Variants in NYAP2 observed in about 807,000 individuals in gnomAD.
NYAP2 encodes the protein neuronal tyrosine-phosphorylated phosphoinositide-3-kinase adaptor 2.
A neutral mutation model predicts 50.4 loss-of-function variants in NYAP2; 23 were observed. That is an observed-to-expected ratio of 0.46 (90% confidence interval 0.33 to 0.65). The LOEUF (loss-of-function observed/expected upper bound fraction) is 0.65. Ranked by LOEUF, NYAP2 falls within the 30% of genes least tolerant of loss-of-function variation. The pLI is 0.02. For missense variants in NYAP2, 885 were observed against 861.0 expected (o/e 1.03, Z -0.35); for synonymous variants, 394 against 365.2 (o/e 1.08, Z -0.90).
At chr2:225,546,572 A>G (rs1691588768) in intron 4 of NYAP2, among the ~76,000 whole-genome samples, 1 of 151,880 alleles carries the variant, frequency 6.6e-6, no homozygotes, top group Non-Finnish European at 1.5e-5. Context: ...CCTTGGATTT[A>G]CCCTTCAGGG....
intron 5 of NYAP2, among the ~76,000 whole-genome samples, chr2:225,621,162 T>C (rs1305414103): frequency 6.7e-6 from 1 of 150,200 alleles, no homozygotes; most frequent in Non-Finnish European, 1.5e-5. Context: ...CTGAAGTAGA[T>C]GGGTCGTTAG....
intron 6 of NYAP2, among the ~76,000 whole-genome samples, chr2:225,649,912 AGT>A (rs1281367769): frequency 6.6e-6 from 1 of 152,254 alleles, no homozygotes; most frequent in Non-Finnish European, 1.5e-5. Context: ...ATTAGCTCTA[AGT>A]CCAAACCTTG....
the NYAP2 span, among the ~76,000 whole-genome samples, chr2:225,681,521 G>A: frequency 1.3e-5 from 2 of 152,154 alleles, no homozygotes; most frequent in Admixed American, 6.5e-5. Context: ...TCTGGAATTC[G>A]ATCTGGCTAT....
At chr2:225,489,397 C>T (rs1690365205) in intron 3 of NYAP2, among the ~76,000 whole-genome samples, 1 of 151,982 alleles carries the variant, frequency 6.6e-6, no homozygotes, top group Admixed American at 6.6e-5. Flanking sequence ...GGGATTTCAC[C>T]ATGTTGGCCA....
downstream of NYAP2, among the ~76,000 whole-genome samples, chr2:225,656,472 C>T (rs748865359): frequency 5.3e-5 from 8 of 152,160 alleles, no homozygotes; most frequent in Non-Finnish European, 5.9e-5. Flanking sequence ...CTTTGCTTGA[C>T]GACCTTGCAG....
chr2:225,616,778 T>C (rs1692999351), intron 5 of NYAP2, among the ~76,000 whole-genome samples: 1 of 152,150 alleles, frequency 6.6e-6, no homozygotes, highest in Non-Finnish European at 1.5e-5. Flanking sequence ...TTGAGTGAAC[T>C]GTTCCAAGTG....
chr2:225,654,933 GCTGT>G (rs1269245164), downstream of NYAP2, among the ~76,000 whole-genome samples: 1 of 152,146 alleles, frequency 6.6e-6, no homozygotes, highest in African/African-American at 2.4e-5. Context: ...CATGGTTGGA[GCTGT>G]CTAAGAAATG....
upstream of NYAP2, among the ~76,000 whole-genome samples, chr2:225,397,975 T>A (rs1694800259): frequency 6.6e-6 from 1 of 151,994 alleles, no homozygotes. Context: ...TTTCCTAAAG[T>A]TGAATATATG....
intron 5 of NYAP2, among the ~76,000 whole-genome samples, chr2:225,603,394 C>T (rs1055160652): frequency 6.6e-6 from 1 of 152,086 alleles, no homozygotes; most frequent in Non-Finnish European, 1.5e-5. Context: ...ATGTGACAGT[C>T]AAGTATATTT....
intron 4 of NYAP2, among the ~76,000 whole-genome samples, chr2:225,543,142 G>A (rs973859796): frequency 2.6e-5 from 4 of 151,394 alleles, no homozygotes; most frequent in African/African-American, 9.7e-5. Context: ...ATTTATTTGG[G>A]TCATCTCTTT....
At chr2:225,624,464 CTATT>C (rs1271130167) in intron 5 of NYAP2, among the ~76,000 whole-genome samples, 5 of 152,146 alleles carry the variant, frequency 3.3e-5, no homozygotes, top group Non-Finnish European at 7.4e-5. Flanking sequence ...CAAGTCTTGA[CTATT>C]TGAGGCCAAT....
At chr2:225,476,507 T>C (rs1250335679) in intron 3 of NYAP2, among the ~76,000 whole-genome samples, 2 of 152,192 alleles carry the variant, frequency 1.3e-5, no homozygotes, top group African/African-American at 4.8e-5. Flanking sequence ...AGCAATGTGC[T>C]GGTAAATCTT....
chr2:225,470,807 G>GTA (rs1690000540), intron 3 of NYAP2, among the ~76,000 whole-genome samples: 1 of 142,096 alleles, frequency 7.0e-6, no homozygotes, highest in Non-Finnish European at 1.5e-5. Context: ...ATATATGTAT[G>GTA]TATATGTGTG....
the NYAP2 span, among the ~76,000 whole-genome samples, chr2:225,694,363 G>T: frequency 1.3e-5 from 2 of 151,536 alleles, no homozygotes; most frequent in African/African-American, 2.4e-5. Flanking sequence ...ATAGAAAAGC[G>T]ATGCAATTTT....
At chr2:225,611,232 C>A (rs1450924857) in intron 5 of NYAP2, among the ~76,000 whole-genome samples, 1 of 152,128 alleles carries the variant, frequency 6.6e-6, no homozygotes, top group East Asian at 1.9e-4. Flanking sequence ...ACTTATAAGA[C>A]TAGAGCCTCA....
chr2:225,449,314 A>G (rs1213012348), intron 3 of NYAP2, among the ~76,000 whole-genome samples: 1 of 152,194 alleles, frequency 6.6e-6, no homozygotes, highest in Non-Finnish European at 1.5e-5. Flanking sequence ...GAAACAACAC[A>G]TATTCCACAC....
At chr2:225,577,806 AT>A (rs10595085) in intron 4 of NYAP2, among the ~76,000 whole-genome samples, 138,303 of 148,002 alleles carry the variant, frequency 0.93, 64,611 homozygotes, top group Middle Eastern at 0.98. Context: ...TGAAAAGCAG[AT>A]TTTTTTTTTT....
intron 3 of NYAP2, among the ~76,000 whole-genome samples, chr2:225,508,433 C>G (rs1312293474): frequency 3.3e-5 from 5 of 152,154 alleles, no homozygotes; most frequent in African/African-American, 1.2e-4. Flanking sequence ...TCTTTGGTTT[C>G]TGAATGCCGG....
chr2:225,522,283 T>A (rs1691076537), intron 4 of NYAP2, among the ~76,000 whole-genome samples: 1 of 152,156 alleles, frequency 6.6e-6, no homozygotes, highest in Non-Finnish European at 1.5e-5. Flanking sequence ...CTCAAGTTAT[T>A]TTCAAACTTC....
Sources: gnomAD v4.1 joint callset for allele counts (sites outside exome capture counted in the v4.1 genomes callset) on GRCh38, gnomAD v4.1.1 for gene constraint, MANE v1.5 for transcripts, NCBI Gene and HGNC (gene_info 2026-07-23, HGNC 2026-07-21) for gene names.